Variants in SGCZ observed in about 807,000 individuals in gnomAD.
The protein encoded by SGCZ is zeta-sarcoglycan.
A neutral mutation model predicts 41.3 loss-of-function variants in SGCZ; 40 were observed. The ratio of observed to expected loss-of-function variants is 0.97; its 90% confidence interval spans 0.75 to 1.26. The LOEUF is 1.26. Among genes scored for constraint, SGCZ ranks in the 50% most tolerant of loss-of-function variants. SGCZ has a pLI of 0.00. For synonymous variants in SGCZ, 206 were observed against 137.5 expected (o/e 1.50, Z -3.49); for missense variants, 552 against 369.8 (o/e 1.49, Z -4.04).
chr8:14,315,454 G>A (rs1312197014), intron 3 of SGCZ, among the ~76,000 whole-genome samples: 1 of 152,020 alleles, frequency 6.6e-6, no homozygotes, highest in Non-Finnish European at 1.5e-5. Flanking sequence ...AGATTATGAA[G>A]CAAATGGAAG....
At position 14,164,548 on chromosome 8, in the gene SGCZ, A is replaced by G. The variant is rs7823973; in HGVS notation, c.547+32T>C. Reference sequence around the variant, plus strand: ...GCAGTTGTATATTCTTTAAAGAAGTAAACAATTTTTCAAGACCTCCATCTA... The same window carrying G: ...GCAGTTGTATATTCTTTAAAGAAGTGAACAATTTTTCAAGACCTCCATCTA... On this transcript the variant is annotated intron_variant, in intron 5 of 7. Transcript: ENST00000382080. The G allele has an allele frequency of 7.8e-3, 12,544 of 1,611,758 alleles. 744 individuals are homozygous for G. In the African/African-American group the frequency reaches 0.14, roughly 17 times the overall value.
At chr8:15,089,336 T>G (rs187760245) in intron 1 of SGCZ, among the ~76,000 whole-genome samples, 47 of 152,268 alleles carry the variant, frequency 3.1e-4, no homozygotes, top group African/African-American at 1.1e-3. Flanking sequence ...GTAATGATAA[T>G]TTCAAGATTT....
At chr8:15,078,446 C>T (rs892577398) in intron 1 of SGCZ, among the ~76,000 whole-genome samples, 1 of 151,870 alleles carries the variant, frequency 6.6e-6, no homozygotes, top group African/African-American at 2.4e-5. Context: ...TTGTGAAAAA[C>T]TGGTATCTTT....
intron 4 of SGCZ, among the ~76,000 whole-genome samples, chr8:14,207,586 C>G (rs1323818233): frequency 6.6e-6 from 1 of 151,776 alleles, no homozygotes; most frequent in Non-Finnish European, 1.5e-5. Context: ...TTTCAGTTTA[C>G]TATGTTAAGT....
In SGCZ at chr8:14,330,237, T is replaced by C. The variant is rs139391331; in HGVS notation, c.235-6033A>G. ...TCTTATTTATCTTCATGTTCATTTC[T>C]TCATCTTACATAATCCTTCCAACAG... On this transcript the variant is annotated intron_variant, in intron 2 of 7. Transcript: ENST00000382080. Among the ~76,000 whole-genome samples, 1,050 of 152,234 alleles carry C rather than the reference T, an allele frequency of 6.9e-3. 14 individuals carry two copies. Among genetic ancestry groups the C allele is most frequent in the African/African-American group, 0.024 (1,002 of 41,548 alleles).
chr8:14,683,880 A>C (rs1013282773), intron 1 of SGCZ, among the ~76,000 whole-genome samples: 8 of 152,168 alleles, frequency 5.3e-5, no homozygotes, highest in Admixed American at 5.2e-4. Flanking sequence ...TACACACTTA[A>C]ACGTACCATC....
At chr8:15,187,225 A>C (rs1457416720) in intron 1 of SGCZ, among the ~76,000 whole-genome samples, 1 of 152,106 alleles carries the variant, frequency 6.6e-6, no homozygotes. Flanking sequence ...TATTCTCCCA[A>C]CATTATATTC....
chr8:15,060,939 G>A (rs1585522974), intron 1 of SGCZ, among the ~76,000 whole-genome samples: 1 of 152,212 alleles, frequency 6.6e-6, no homozygotes, highest in African/African-American at 2.4e-5. Context: ...GAAGGTACAG[G>A]GATCAGCCAG....
chr8:15,034,200 C>G (rs1041278916), intron 1 of SGCZ, among the ~76,000 whole-genome samples: 1 of 151,642 alleles, frequency 6.6e-6, no homozygotes, highest in Admixed American at 6.6e-5. Context: ...CAAGAAAATA[C>G]AAAGAAACAA....
At chr8:14,221,189 A>G (rs1459982806) in intron 4 of SGCZ, among the ~76,000 whole-genome samples, 1 of 152,236 alleles carries the variant, frequency 6.6e-6, no homozygotes, top group Non-Finnish European at 1.5e-5. Flanking sequence ...TTGTGTAAGC[A>G]TATGTGTATG....
intron 2 of SGCZ, among the ~76,000 whole-genome samples, chr8:14,332,335 G>A (rs1802360386): frequency 6.6e-6 from 1 of 152,140 alleles, no homozygotes; most frequent in Non-Finnish European, 1.5e-5. Flanking sequence ...CAGCTACTCA[G>A]GAGGTTGGGG....
intron 1 of SGCZ, among the ~76,000 whole-genome samples, chr8:15,103,788 T>C (rs773978919): frequency 2.0e-5 from 3 of 151,902 alleles, no homozygotes; most frequent in Non-Finnish European, 2.9e-5. Flanking sequence ...CCCAGCATAA[T>C]GGGAGAGAAA....
intron 1 of SGCZ, among the ~76,000 whole-genome samples, chr8:15,149,109 C>A (rs923757595): frequency 2.6e-5 from 4 of 152,124 alleles, no homozygotes; most frequent in Non-Finnish European, 5.9e-5. Context: ...GATGCAATCA[C>A]CGGTGGTCCT....
At chr8:15,192,184 T>G (rs902780896) in intron 1 of SGCZ, among the ~76,000 whole-genome samples, 1 of 152,090 alleles carries the variant, frequency 6.6e-6, no homozygotes, top group African/African-American at 2.4e-5. Context: ...TAAAATTTTG[T>G]TCCTGAATCC....
At chr8:14,331,051 T>C (rs906749971) in intron 2 of SGCZ, among the ~76,000 whole-genome samples, 2 of 151,756 alleles carry the variant, frequency 1.3e-5, no homozygotes, top group Non-Finnish European at 2.9e-5. Flanking sequence ...TTTTATTATT[T>C]TGAATATCTA....
At chr8:14,420,128 A>T (rs1445475579) in intron 2 of SGCZ, among the ~76,000 whole-genome samples, 2 of 152,028 alleles carry the variant, frequency 1.3e-5, no homozygotes, top group African/African-American at 4.8e-5. Flanking sequence ...AACTGCATTG[A>T]AGGGCTTATG....
chr8:14,607,047 A>G (rs1805773655), intron 1 of SGCZ, among the ~76,000 whole-genome samples: 1 of 152,130 alleles, frequency 6.6e-6, no homozygotes, highest in Admixed American at 6.5e-5. Flanking sequence ...CACTGATCCG[A>G]CAGCTCTGGA....
At chr8:14,840,196 G>A (rs1192389529) in intron 1 of SGCZ, among the ~76,000 whole-genome samples, 1 of 152,054 alleles carries the variant, frequency 6.6e-6, no homozygotes, top group Non-Finnish European at 1.5e-5. Context: ...TCCTGCTTAA[G>A]GGATTTTTAA....
intron 2 of SGCZ, among the ~76,000 whole-genome samples, chr8:14,539,277 T>C (rs909383621): frequency 1.1e-4 from 17 of 152,002 alleles, no homozygotes; most frequent in African/African-American, 4.1e-4. Context: ...GAACCAATTC[T>C]GTAACATCTC....
Sources: gnomAD v4.1 joint callset for allele counts (sites outside exome capture counted in the v4.1 genomes callset) on GRCh38, gnomAD v4.1.1 for gene constraint, MANE v1.5 for transcripts, NCBI Gene and HGNC (gene_info 2026-07-23, HGNC 2026-07-21) for gene names.